Variants in EPS15L1 observed in about 807,000 individuals in gnomAD.
EPS15L1 encodes epidermal growth factor receptor substrate 15-like 1.
In EPS15L1, 43 loss-of-function variants were observed where a neutral mutation model predicts 117.1. That is an observed-to-expected ratio of 0.37 (90% CI 0.29 to 0.47). The LOEUF is 0.47. Among genes scored for constraint, EPS15L1 ranks in the 20% least tolerant of loss-of-function variants. The pLI, the probability that EPS15L1 is intolerant of heterozygous loss-of-function variation, is 0.99. For missense variants in EPS15L1, 981 were observed against 1,164.0 expected (o/e 0.84, Z 2.29); for synonymous variants, 459 against 470.5 (o/e 0.98, Z 0.32).
chr19:16,369,375 G>C (rs992002901), intron 22 of EPS15L1, among the ~76,000 whole-genome samples: 2 of 152,168 alleles, frequency 1.3e-5, no homozygotes. Context: ...GATGAGGTTT[G>C]GTTCTGAACT....
intron 22 of EPS15L1, among the ~76,000 whole-genome samples, chr19:16,375,970 C>T (rs570039645): frequency 9.8e-5 from 15 of 152,308 alleles, no homozygotes; most frequent in Middle Eastern, 3.4e-3. Flanking sequence ...TGGGGGCATG[C>T]GGAGCCTGCT....
chr19:16,453,406 C>T (rs1290595972), intron 1 of EPS15L1, among the ~76,000 whole-genome samples: 4 of 152,128 alleles, frequency 2.6e-5, no homozygotes, highest in Non-Finnish European at 5.9e-5. Flanking sequence ...CAGCCATCAA[C>T]TTTTAATGTG....
chr19:16,428,454 G>A (rs972091513), intron 8 of EPS15L1, among the ~76,000 whole-genome samples: 14 of 136,470 alleles, frequency 1.0e-4, no homozygotes, highest in African/African-American at 3.8e-4. Context: ...GAGGGAGGGA[G>A]GGAGACAGAG....
intron 16 of EPS15L1, among the ~76,000 whole-genome samples, chr19:16,400,166 G>A (rs1244833678): frequency 3.3e-5 from 5 of 152,026 alleles, no homozygotes; most frequent in African/African-American, 7.2e-5. Flanking sequence ...GTGAAACCTC[G>A]TCTCTACTAA....
chr19:16,441,785 CAGGAGGCCGGGCCCCATGGA>C, intron 3 of EPS15L1, 87 bp downstream of exon 3: 1 of 821,748 alleles, frequency 1.2e-6, no homozygotes, highest in Non-Finnish European at 2.0e-6. Context: ...GGCCACTACC[CAGGAGGCCGGGCCCCATGGA>C]AGGAGGCCTG....
At chr19:16,396,052 A>G (rs2092537518) in intron 16 of EPS15L1, among the ~76,000 whole-genome samples, 1 of 152,076 alleles carries the variant, frequency 6.6e-6, no homozygotes, top group Non-Finnish European at 1.5e-5. Context: ...GGTTACAGTG[A>G]GCTATGATTG....
rs771888913 is a variant in EPS15L1, at chr19:16,392,340, C to T, written c.2067G>A (p.Ser689=). The T allele has an allele frequency of 6.2e-6, 10 of 1,614,004 alleles. No homozygotes were observed. Among genetic ancestry groups the T allele is most frequent in the South Asian group, 2.2e-5 (2 of 91,084 alleles). Residue 689 remains serine, a synonymous_variant, in exon 19 of 24, where the codon TCG becomes TCA. Transcript: ENST00000455140. ...KKQTKNDPFT[S]DPFTKNPSLP... is the part of the protein sequence containing the mutation. Reference sequence around the variant, plus strand: ...AGGAAGGGTTTTTCGTGAATGGATCCGAGGTAAATGGGTCATTCTTTGTCT... The same window carrying T: ...AGGAAGGGTTTTTCGTGAATGGATCTGAGGTAAATGGGTCATTCTTTGTCT...
intron 22 of EPS15L1, among the ~76,000 whole-genome samples, chr19:16,373,666 G>A (rs1295819844): frequency 1.3e-5 from 2 of 152,094 alleles, no homozygotes; most frequent in East Asian, 1.9e-4. Context: ...GGTCTGTGCC[G>A]TGTGGCCAGG....
rs1037006647 is a variant in EPS15L1 at position 16,379,617 on chromosome 19, C to T, written c.2248-2363G>A. 3.7e-4 allele frequency among the ~76,000 whole-genome samples: 56 copies of T among 152,196 alleles called. 1 individual carries two copies. The highest frequency in any genetic ancestry group is 1.3e-3 in the African/African-American group (53 of 41,440). On this transcript the variant is annotated intron_variant, in intron 21 of 23. Transcript: ENST00000455140. ...ATGCAGCTGACTAAGGCTCCAGCGTCTAGTCACACTGACACGGCCATCTAG... is the reference window on the plus strand; with the variant it reads ...ATGCAGCTGACTAAGGCTCCAGCGTTTAGTCACACTGACACGGCCATCTAG...
intron 15 of EPS15L1, 106 bp from the exon 16 acceptor site, chr19:16,402,591 G>A: frequency 9.2e-7 from 1 of 1,089,698 alleles, no homozygotes; most frequent in Non-Finnish European, 1.3e-6. Context: ...ACCCAGACTG[G>A]AATGTAGTGG....
intron 5 of EPS15L1, 123 bp downstream of exon 5, chr19:16,437,644 TCAC>T (rs1568451143): frequency 2.9e-6 from 2 of 694,786 alleles, no homozygotes; most frequent in Non-Finnish European, 5.0e-6. Context: ...TATGTGAATT[TCAC>T]CACAATAAAA....
chr19:16,432,800 AATT>A (rs1031580298), intron 7 of EPS15L1, among the ~76,000 whole-genome samples: 1 of 151,936 alleles, frequency 6.6e-6, no homozygotes, highest in South Asian at 2.1e-4. Flanking sequence ...ACAAAAAATT[AATT>A]ATTATTATTA....
rs181847036 is a variant in EPS15L1, at chr19:16,456,339, G to A, written c.34-14120C>T. The stretch of plus-strand genomic sequence containing the variant: ...ACTCGTGCTAAGAGGCAGCACTGAG[G>A]ATACAAAAGTGTGTAGGACAGAGTC... On this transcript the variant is annotated intron_variant, in intron 1 of 23. Transcript: ENST00000455140. 1.0e-3 allele frequency among the ~76,000 whole-genome samples: 158 copies of A among 152,310 alleles called. 1 individual carries two copies. The highest frequency in any genetic ancestry group is 3.7e-3 in the African/African-American group (153 of 41,586).
chr19:16,441,783 C>G, intron 3 of EPS15L1, 109 bp downstream of exon 3: 1 of 805,428 alleles, frequency 1.2e-6, no homozygotes, highest in Non-Finnish European at 2.0e-6. Context: ...CAGGCCACTA[C>G]CCAGGAGGCC....
At chr19:16,417,380 A>G (rs761320949) in intron 12 of EPS15L1, 172 bp downstream of exon 12, 16 of 614,976 alleles carry the variant, frequency 2.6e-5, no homozygotes, top group Non-Finnish European at 4.7e-5. Context: ...GGAAGATGTC[A>G]TTCTTCAAGC....
rs568168176 is a variant in EPS15L1 at position 16,403,904 on chromosome 19, T to A, written c.1455A>T (p.Gln485His). 6.2e-7 allele frequency: 1 copy of A among 1,614,020 alleles called. No homozygotes were observed. Among genetic ancestry groups the A allele is most frequent in the East Asian group, 2.2e-5 (1 of 44,878 alleles). Reference sequence around the variant, plus strand: ...GGGACTTTAAGTCAGATTCCTGAGATTGGATTTGCGTTTTCAGTGATGAGA... The same window carrying A: ...GGGACTTTAAGTCAGATTCCTGAGAATGGATTTGCGTTTTCAGTGATGAGA... Reference protein sequence around the residue: ...QMISSLKTQIQSQESDLKSQE... With the variant: ...QMISSLKTQIHSQESDLKSQE... Residue 485 changes from glutamine (Q) to histidine (H), a missense_variant, in exon 15 of 24, where the codon CAA becomes CAT. By Grantham distance (24) the Gln-to-His change is conservative. Around this residue, in one of 5 missense-constraint regions of EPS15L1, gnomAD observed 819 missense variants for 949.0 expected, o/e 0.86. Coordinates refer to ENST00000455140, the MANE Select transcript of EPS15L1 (RefSeq NM_001258374.3).
chr19:16,469,054 G>C (rs1287116127), intron 1 of EPS15L1, among the ~76,000 whole-genome samples: 1 of 152,154 alleles, frequency 6.6e-6, no homozygotes, highest in Non-Finnish European at 1.5e-5. Flanking sequence ...AGTGGCGTGG[G>C]ATTAAGTGGG....
rs531727620 is a variant in EPS15L1 at position 16,399,703 on chromosome 19, T to C, written c.1791+2618A>G. Among the ~76,000 whole-genome samples, 10 of 150,862 alleles carry C rather than the reference T, an allele frequency of 6.6e-5. No homozygotes were observed. In the South Asian group the frequency reaches 1.9e-3, roughly 28 times the overall value. ...GGGGTTTTTTTTTTTTTTTTAGAGA[T>C]TGAGTCTCGCTGTGTCACCCAGGCT... On this transcript the variant is annotated intron_variant, in intron 16 of 23. Coordinates refer to ENST00000455140, the MANE Select transcript of EPS15L1 (RefSeq NM_001258374.3).
chr19:16,397,724 G>C (rs2092554814), intron 16 of EPS15L1, among the ~76,000 whole-genome samples: 1 of 151,722 alleles, frequency 6.6e-6, no homozygotes, highest in Non-Finnish European at 1.5e-5. Context: ...AAACAAACAG[G>C]TTCATTTAAA....
Sources: allele counts gnomAD v4.1 joint callset (sites outside exome capture counted in the v4.1 genomes callset), GRCh38; gene constraint gnomAD v4.1.1; regional missense constraint gnomAD v4.1.1; transcripts MANE v1.5; gene names NCBI Gene and HGNC (gene_info 2026-07-23, HGNC 2026-07-21).